NTNG2: variants seen among roughly 807,000 people sequenced by gnomAD.
The protein encoded by NTNG2 is netrin G2.
In NTNG2, 15 loss-of-function variants were observed where a neutral mutation model predicts 47.6. The ratio of observed to expected loss-of-function variants is 0.32; its 90% CI spans 0.21 to 0.49. NTNG2 has a LOEUF of 0.49. NTNG2 is among the 20% of genes least tolerant of loss of function. The pLI is 0.99. For missense variants in NTNG2, 578 were observed against 764.6 expected (o/e 0.76, Z 2.88); for synonymous variants, 307 against 324.6 (o/e 0.95, Z 0.58).
At chr9:132,174,401 C>G (rs903382492) in intron 2 of NTNG2, among the ~76,000 whole-genome samples, 1 of 152,128 alleles carries the variant, frequency 6.6e-6, no homozygotes, top group African/African-American at 2.4e-5. Context: ...CAGGCCGCAC[C>G]ATGCTGCGGA....
At chr9:132,175,050 C>T (rs1211280582) in intron 2 of NTNG2, among the ~76,000 whole-genome samples, 1 of 151,916 alleles carries the variant, frequency 6.6e-6, no homozygotes, top group Non-Finnish European at 1.5e-5. Flanking sequence ...GTGGGTCTTG[C>T]AGGATGGGAA....
intron 5 of NTNG2, among the ~76,000 whole-genome samples, chr9:132,237,981 G>A (rs1419498868): frequency 6.6e-6 from 1 of 152,210 alleles, no homozygotes; most frequent in East Asian, 1.9e-4. Context: ...CTGGGCACAG[G>A]CTGTTTCTCT....
rs770823053 is a variant in NTNG2, at chr9:132,243,593, C to G, written c.*1482C>G. 2.0e-5 allele frequency: 3 copies of G among 152,392 alleles called. No homozygotes were observed. The highest frequency in any genetic ancestry group is 1.3e-4 in the Admixed American group (2 of 15,284). The allele number at this position is 152,392 out of a possible 1,614,324, so 9.4% of individuals were successfully genotyped here. A position where few individuals can be genotyped will look rare whatever the true frequency, so the allele number is the denominator to read the frequency against. On this transcript the variant is annotated 3_prime_UTR_variant, in exon 8 of 8. Transcript: ENST00000393229. Reference sequence around the variant, plus strand: ...TTATTTCAGAGCAGTGCCGGGGGTCCGGTCCTGGTTGCTAACTGCTGCCAC... The same window carrying G: ...TTATTTCAGAGCAGTGCCGGGGGTCGGGTCCTGGTTGCTAACTGCTGCCAC...
chr9:132,216,453 TG>T (rs1840001867), intron 3 of NTNG2, among the ~76,000 whole-genome samples: 1 of 144,426 alleles, frequency 6.9e-6, no homozygotes, highest in Non-Finnish European at 1.5e-5. Context: ...TGTGTGTGTG[TG>T]TGTGTGTGTG....
At chr9:132,171,484 C>T (rs1447578745) in intron 2 of NTNG2, among the ~76,000 whole-genome samples, 1 of 152,174 alleles carries the variant, frequency 6.6e-6, no homozygotes, top group Admixed American at 6.5e-5. Context: ...AAATTTCAGC[C>T]ATGTTGGAGT....
intron 5 of NTNG2, 57 bp downstream of exon 5, chr9:132,230,652 T>G (rs1841137801): frequency 6.3e-7 from 1 of 1,581,104 alleles, no homozygotes; most frequent in African/African-American, 1.3e-5. Flanking sequence ...CCTCTTTGCA[T>G]GTCCTGGAAA....
chr9:132,178,414 G>A (rs144328611), intron 2 of NTNG2, among the ~76,000 whole-genome samples: 59 of 152,240 alleles, frequency 3.9e-4, no homozygotes, highest in South Asian at 8.3e-4. Context: ...CTTAATAAAT[G>A]CTGAAGATAA....
At chr9:132,201,469 C>T (rs557085183) in intron 3 of NTNG2, among the ~76,000 whole-genome samples, 2 of 152,246 alleles carry the variant, frequency 1.3e-5, no homozygotes, top group African/African-American at 4.8e-5. Flanking sequence ...CCCCTTTTCC[C>T]TCTTCAGTTC....
At chr9:132,230,815 A>G (rs1329127644) in intron 5 of NTNG2, among the ~76,000 whole-genome samples, 1 of 120,410 alleles carries the variant, frequency 8.3e-6, no homozygotes, top group Non-Finnish European at 1.6e-5. Flanking sequence ...GCCATGTGTC[A>G]TGTGTCATTT....
chr9:132,227,806 A>G (rs1035667504), intron 4 of NTNG2, among the ~76,000 whole-genome samples: 2 of 152,182 alleles, frequency 1.3e-5, no homozygotes, highest in African/African-American at 4.8e-5. Flanking sequence ...CGTAGTCCAC[A>G]CTGTCTCCAT....
At chr9:132,178,471 G>A (rs1218110274) in intron 2 of NTNG2, among the ~76,000 whole-genome samples, 1 of 152,048 alleles carries the variant, frequency 6.6e-6, no homozygotes, top group African/African-American at 2.4e-5. Context: ...AGGCATGCTG[G>A]GATTGTCTAA....
intron 2 of NTNG2, among the ~76,000 whole-genome samples, chr9:132,177,928 AT>A (rs1278873638): frequency 6.6e-6 from 1 of 152,200 alleles, no homozygotes; most frequent in African/African-American, 2.4e-5. Context: ...AAGTGCTGGG[AT>A]TACAGGCGTG....
In NTNG2 at chr9:132,207,489, G is replaced by A. The variant is rs374253447; in HGVS notation, c.857+8880G>A. Among the ~76,000 whole-genome samples the A allele has an allele frequency of 1.1e-4, 17 of 152,274 alleles. No individual in the cohort carries two copies. In the South Asian group the frequency reaches 2.5e-3, roughly 22 times the overall value. On this transcript the variant is annotated intron_variant, in intron 3 of 7. Coordinates refer to ENST00000393229, the MANE Select transcript of NTNG2 (RefSeq NM_032536.4). The stretch of plus-strand genomic sequence containing the variant: ...CATCTGTCTTACACGCTGTCTCCCC[G>A]TGTCTCTTCCTACAGGGACACCAAT...
chr9:132,240,735 G>A (rs1372198011), intron 6 of NTNG2, 175 bp from the exon 7 acceptor site: 3 of 869,864 alleles, frequency 3.4e-6, no homozygotes, highest in African/African-American at 3.4e-5. Flanking sequence ...CTCCAGGCCT[G>A]GCCACCCTGG....
At chr9:132,173,984 AGG>A (rs1836165310) in intron 2 of NTNG2, among the ~76,000 whole-genome samples, 1 of 149,596 alleles carries the variant, frequency 6.7e-6, no homozygotes, top group African/African-American at 2.5e-5. Context: ...ACAGACAGGC[AGG>A]CAGGTCGAAC....
intron 3 of NTNG2, among the ~76,000 whole-genome samples, chr9:132,204,979 G>A (rs1238750843): frequency 6.6e-6 from 1 of 152,208 alleles, no homozygotes; most frequent in African/African-American, 2.4e-5. Context: ...AATAACAAGT[G>A]TTGGCAAGGA....
chr9:132,202,219 C>A (rs1274632020), intron 3 of NTNG2, among the ~76,000 whole-genome samples: 1 of 152,202 alleles, frequency 6.6e-6, no homozygotes, highest in Non-Finnish European at 1.5e-5. Flanking sequence ...ATTTCCAGCT[C>A]CAAGGGGGAC....
chr9:132,169,102 T>G (rs1835702658), intron 2 of NTNG2, among the ~76,000 whole-genome samples: 3 of 151,998 alleles, frequency 2.0e-5, no homozygotes, highest in Admixed American at 1.3e-4. Flanking sequence ...TCTAGAAGAG[T>G]GCTCTCTCCC....
In NTNG2 at chr9:132,226,720, C is replaced by T. The variant is rs534542911; in HGVS notation, c.858-129C>T. 26 of 733,154 alleles carry T rather than the reference C, an allele frequency of 3.5e-5. No homozygotes were observed. The African/African-American group carries it at 4.4e-4, about 12-fold the overall frequency. The allele number at this position is 733,154 out of a possible 1,614,324, so 45.4% of individuals were successfully genotyped here. Reference sequence around the variant, plus strand: ...CTGGCCTAAAGGTTGGGCTGGTGGCCTCCAGGGTTTCTTCCTGGGCAGCCC... The same window carrying T: ...CTGGCCTAAAGGTTGGGCTGGTGGCTTCCAGGGTTTCTTCCTGGGCAGCCC... On this transcript the variant is annotated intron_variant, in intron 3 of 7. Transcript: ENST00000393229. This position sits in a 1 kb window ranked among gnomAD's most constrained non-coding sequence, Gnocchi z 4.8.
Sources: gnomAD v4.1 joint callset for allele counts (sites outside exome capture counted in the v4.1 genomes callset) on GRCh38, gnomAD v4.1.1 for gene constraint, Gnocchi (gnomAD v3.1) non-coding constraint, MANE v1.5 for transcripts, NCBI Gene and HGNC (gene_info 2026-07-23, HGNC 2026-07-21) for gene names.